Variants in ABLIM3 observed in about 807,000 individuals in gnomAD.
ABLIM3 encodes the protein actin binding LIM protein family member 3.
ABLIM3 carries 61 observed loss-of-function variants against 109.5 expected under a neutral mutation model. That is an observed-to-expected ratio of 0.56 (90% CI 0.45 to 0.69). ABLIM3 has a LOEUF of 0.69. Among genes scored for constraint, ABLIM3 ranks in the 30% least tolerant of loss-of-function variants. The probability of loss-of-function intolerance (pLI) is 0.00; values close to 1 mark genes in which losing one functional copy is unlikely to be tolerated. For missense variants in ABLIM3, 796 were observed against 889.5 expected, an observed-to-expected ratio of 0.89 and a Z score of 1.34; for synonymous variants, 300 against 324.8, an observed-to-expected ratio of 0.92 and a Z score of 0.82.
At chr5:149,219,938 G>A (rs1187061717) in intron 8 of ABLIM3, 4 of 151,486 alleles carry the variant, frequency 2.6e-5, no homozygotes, top group South Asian at 2.1e-4. Context: ...TCCCTGTTGG[G>A]TGCTTTCACC....
chr5:149,191,957 A>T (rs1226281640), intron 3 of ABLIM3, among the ~76,000 whole-genome samples: 4 of 152,186 alleles, frequency 2.6e-5, no homozygotes, highest in Non-Finnish European at 5.9e-5. Flanking sequence ...TCCCAGGTTC[A>T]TGACATTCTC....
At chr5:149,231,254 A>G (rs569955961) in intron 9 of ABLIM3, among the ~76,000 whole-genome samples, 58 of 152,328 alleles carry the variant, frequency 3.8e-4, no homozygotes, top group Non-Finnish European at 2.4e-4. Context: ...GCGCTGGGCC[A>G]GCTGAGGTCC....
intron 17 of ABLIM3, among the ~76,000 whole-genome samples, chr5:149,247,270 AT>A: frequency 6.6e-6 from 1 of 152,330 alleles, no homozygotes; most frequent in East Asian, 1.9e-4. Flanking sequence ...CAGAACATAG[AT>A]TGCTGGTTCC....
At chr5:149,239,352 C>T in intron 12 of ABLIM3, 75 bp downstream of exon 12, 2 of 1,523,624 alleles carry the variant, frequency 1.3e-6, no homozygotes, top group Non-Finnish European at 1.8e-6. Flanking sequence ...TCCCCAGCCC[C>T]CCGAAGGTGT....
intron 2 of ABLIM3, among the ~76,000 whole-genome samples, chr5:149,172,721 C>G (rs998128832): frequency 6.6e-6 from 1 of 152,148 alleles, no homozygotes; most frequent in East Asian, 1.9e-4. Context: ...TAATTTTTTC[C>G]CCTTTAGGTG....
At chr5:149,212,956 C>G (rs1251954952) in intron 7 of ABLIM3, among the ~76,000 whole-genome samples, 3 of 152,096 alleles carry the variant, frequency 2.0e-5, no homozygotes, top group African/African-American at 7.2e-5. Flanking sequence ...GAGACTTCAT[C>G]TCTATAAAAA....
At chr5:149,235,140 G>A (rs1165422866) in intron 10 of ABLIM3, among the ~76,000 whole-genome samples, 4 of 152,114 alleles carry the variant, frequency 2.6e-5, no homozygotes, top group East Asian at 1.9e-4. Context: ...TGCTCTCACC[G>A]TTTATGGTGC....
chr5:149,234,682 T>C (rs1444238506), intron 10 of ABLIM3, among the ~76,000 whole-genome samples: 1 of 152,212 alleles, frequency 6.6e-6, no homozygotes, highest in Admixed American at 6.5e-5. Context: ...CATGGAAGAT[T>C]CCTTTCTAAA....
chr5:149,169,912 G>A (rs974699671), intron 2 of ABLIM3, among the ~76,000 whole-genome samples: 8 of 152,174 alleles, frequency 5.3e-5, no homozygotes, highest in African/African-American at 1.9e-4. Context: ...AGAACTGTGA[G>A]TAATTAGGAC....
chr5:149,255,565 T>C (rs1754354373), intron 23 of ABLIM3, among the ~76,000 whole-genome samples: 1 of 152,162 alleles, frequency 6.6e-6, no homozygotes, highest in South Asian at 2.1e-4. Flanking sequence ...ATCATCAGAT[T>C]TGGTCTCATT....
At chr5:149,210,172 T>C (rs959404877) in intron 6 of ABLIM3, among the ~76,000 whole-genome samples, 1 of 152,204 alleles carries the variant, frequency 6.6e-6, no homozygotes, top group Non-Finnish European at 1.5e-5. Flanking sequence ...TCAGTATGGC[T>C]AGGCACTGTC....
intron 8 of ABLIM3, 21 bp from the exon 9 acceptor site, chr5:149,230,628 G>T (rs373461392): frequency 6.2e-7 from 1 of 1,613,654 alleles, no homozygotes; most frequent in Non-Finnish European, 8.5e-7. Flanking sequence ...CTGAGTCTTC[G>T]TTATTTTCAT....
chr5:149,244,023 A>C (rs1003952093), intron 15 of ABLIM3: 4 of 152,290 alleles, frequency 2.6e-5, no homozygotes, highest in African/African-American at 9.6e-5. Context: ...CTGGCTCCAC[A>C]GAGCACAGAG....
At chr5:149,143,573 T>G (rs1484052251) in intron 2 of ABLIM3, among the ~76,000 whole-genome samples, 2 of 149,488 alleles carry the variant, frequency 1.3e-5, no homozygotes, top group African/African-American at 4.9e-5. Context: ...GCTACTGAGA[T>G]GAAAATAAAA....
At chr5:149,187,353 A>G (rs1434796560) in intron 3 of ABLIM3, among the ~76,000 whole-genome samples, 1 of 152,256 alleles carries the variant, frequency 6.6e-6, no homozygotes, top group Non-Finnish European at 1.5e-5. Context: ...AAGACAAATC[A>G]TCTGCGTATA....
rs1394431396 is a variant in ABLIM3 at position 149,247,871 on chromosome 5, C to G, written c.1641C>G (p.Ser547Arg). 6 of 1,614,266 alleles carry G rather than the reference C, an allele frequency of 3.7e-6. No homozygotes were observed. The highest frequency in any genetic ancestry group is 5.1e-6 in the Non-Finnish European group (6 of 1,180,052). ...SYADPWTPPRSSTSSREALHT... is the reference protein window; with the variant it reads ...SYADPWTPPRRSTSSREALHT... ...CAGATCCCTGGACCCCTCCCCGGAG[C>G]TCCACCAGCAGCCGGGAAGCCCTGC... Residue 547 changes from serine to arginine, a missense_variant, in exon 18 of 24, where the codon AGC becomes AGG. By Grantham distance (110) the Ser-to-Arg change is moderately radical. Transcript: ENST00000309868.
intron 3 of ABLIM3, among the ~76,000 whole-genome samples, chr5:149,196,796 C>A (rs1003339811): frequency 6.6e-6 from 1 of 152,196 alleles, no homozygotes; most frequent in African/African-American, 2.4e-5. Context: ...TTCTGCTCTG[C>A]CCATCATGTG....
intron 6 of ABLIM3, among the ~76,000 whole-genome samples, chr5:149,209,621 G>T (rs1408798079): frequency 1.3e-5 from 2 of 152,184 alleles, no homozygotes; most frequent in Non-Finnish European, 2.9e-5. Flanking sequence ...AAATCTTGTT[G>T]GCTCATCACA....
At chr5:149,245,829 T>C (rs1753298833) in intron 16 of ABLIM3, among the ~76,000 whole-genome samples, 1 of 152,116 alleles carries the variant, frequency 6.6e-6, no homozygotes, top group Non-Finnish European at 1.5e-5. Context: ...CTTTACTAAT[T>C]CAATGTCCAT....
Sources: allele counts gnomAD v4.1 joint callset (sites outside exome capture counted in the v4.1 genomes callset), GRCh38; gene constraint gnomAD v4.1.1; transcripts MANE v1.5; gene names NCBI Gene and HGNC (gene_info 2026-07-23, HGNC 2026-07-21).